Variants in CDH13 observed in about 807,000 individuals in gnomAD.
CDH13 encodes cadherin-13.
CDH13 carries 24 observed loss-of-function variants against 63.8 expected under a neutral mutation model. That is an observed-to-expected ratio of 0.38 (90% CI 0.27 to 0.53). The LOEUF is 0.53. Ranked by LOEUF, CDH13 falls within the 20% of genes least tolerant of loss-of-function variation. The probability of loss-of-function intolerance (pLI) is 0.85; values close to 1 mark genes in which losing one functional copy is unlikely to be tolerated. For synonymous variants in CDH13, 503 were observed against 355.3 expected (o/e 1.42, Z -4.67); for missense variants, 1,049 against 903.1 (o/e 1.16, Z -2.07).
At chr16:82,932,853 A>T (rs7200238) in intron 2 of CDH13, among the ~76,000 whole-genome samples, 4,859 of 152,308 alleles carry the variant, frequency 0.032, 256 homozygotes, top group African/African-American at 0.11. Context: ...TCCGTACTTG[A>T]TTCTAAACAA....
At chr16:83,619,439 A>T (rs1008195553) in intron 8 of CDH13, among the ~76,000 whole-genome samples, 2 of 152,248 alleles carry the variant, frequency 1.3e-5, no homozygotes, top group African/African-American at 4.8e-5. Context: ...ATAACAAGGT[A>T]TTACCAGCCA....
At chr16:82,855,466 T>C (rs999228023) in intron 1 of CDH13, among the ~76,000 whole-genome samples, 2 of 152,230 alleles carry the variant, frequency 1.3e-5, no homozygotes, top group Non-Finnish European at 2.9e-5. Context: ...CGCATAATTG[T>C]AGGCACTGGG....
intron 9 of CDH13, among the ~76,000 whole-genome samples, chr16:83,672,923 G>A (rs952408167): frequency 1.3e-5 from 2 of 152,196 alleles, no homozygotes; most frequent in Non-Finnish European, 2.9e-5. Flanking sequence ...GTCATTCTAT[G>A]ACTTTTACAG....
intron 2 of CDH13, among the ~76,000 whole-genome samples, chr16:83,030,418 G>A (rs1285912403): frequency 1.3e-5 from 2 of 152,050 alleles, no homozygotes; most frequent in East Asian, 3.9e-4. Context: ...CAGTTCTTTG[G>A]GAGGCCTGAG....
intron 1 of CDH13, among the ~76,000 whole-genome samples, chr16:82,714,794 C>T (rs556331433): frequency 1.9e-4 from 28 of 143,602 alleles, no homozygotes; most frequent in Non-Finnish European, 3.0e-4. Flanking sequence ...ACTGGGGTGA[C>T]GCAGCTACAA....
At chr16:82,816,372 GC>G (rs1373064300) in intron 1 of CDH13, among the ~76,000 whole-genome samples, 1 of 152,150 alleles carries the variant, frequency 6.6e-6, no homozygotes, top group African/African-American at 2.4e-5. Flanking sequence ...CTCTGAAGGA[GC>G]TTATATTCCG....
At chr16:83,324,710 G>T (rs995371173) in intron 5 of CDH13, among the ~76,000 whole-genome samples, 1 of 152,196 alleles carries the variant, frequency 6.6e-6, no homozygotes, top group Non-Finnish European at 1.5e-5. Flanking sequence ...TTTAAAATGC[G>T]TAAGTGTTTT....
At chr16:82,892,218 T>G (rs574291832) in intron 2 of CDH13, among the ~76,000 whole-genome samples, 4 of 152,318 alleles carry the variant, frequency 2.6e-5, no homozygotes, top group Admixed American at 2.6e-4. Flanking sequence ...ATTAAATGAG[T>G]TAACACACAT....
At chr16:83,087,190 G>C (rs6565117) in intron 3 of CDH13, among the ~76,000 whole-genome samples, 1 of 151,918 alleles carries the variant, frequency 6.6e-6, no homozygotes, top group Non-Finnish European at 1.5e-5. Flanking sequence ...TTTTAATTCA[G>C]TTGTTTATGC....
chr16:83,617,379 A>G (rs1342099102), intron 8 of CDH13, among the ~76,000 whole-genome samples: 3 of 152,076 alleles, frequency 2.0e-5, no homozygotes, highest in Admixed American at 2.0e-4. Flanking sequence ...TTCTATTCTA[A>G]TATGCACATA....
intron 4 of CDH13, among the ~76,000 whole-genome samples, chr16:83,150,979 C>T (rs1390141796): frequency 3.9e-5 from 6 of 152,138 alleles, no homozygotes; most frequent in African/African-American, 1.4e-4. Context: ...ATTCCCAGTG[C>T]ATTGTGATCA....
intron 3 of CDH13, among the ~76,000 whole-genome samples, chr16:83,102,955 T>TTTTTTTTTTTTTTC (rs2034568062): frequency 8.5e-6 from 1 of 117,120 alleles, no homozygotes; most frequent in Non-Finnish European, 1.8e-5. Context: ...TTTCTTTTTT[T>TTTTTTTTTTTTTTC]TTTTTTTTTT....
At chr16:83,559,816 A>G (rs2075670147) in intron 7 of CDH13, among the ~76,000 whole-genome samples, 1 of 152,160 alleles carries the variant, frequency 6.6e-6, no homozygotes. Context: ...AAGGCACCAC[A>G]GCGTCTTTTT....
intron 1 of CDH13, among the ~76,000 whole-genome samples, chr16:82,717,608 C>T (rs2032470597): frequency 6.6e-6 from 1 of 152,122 alleles, no homozygotes; most frequent in South Asian, 2.1e-4. Flanking sequence ...ATAGCCACAT[C>T]AGTCTAGTCC....
At position 82,993,420 on chromosome 16, in the gene CDH13, C is replaced by G. The variant is rs545245146; in HGVS notation, c.158-38590C>G. 4.6e-5 allele frequency among the ~76,000 whole-genome samples: 7 copies of G among 152,142 alleles called. No homozygotes were observed. The South Asian group carries it at 1.5e-3, about 32-fold the overall frequency. On this transcript the variant is annotated intron_variant, in intron 2 of 13. Transcript: ENST00000567109. ...GGCTTTTGACTCAGTTGAAAAAAAA[C>G]AAAGAATGGTCCAGGGTGAGAGAGG...
At chr16:83,787,509 G>T (rs996660487) in intron 13 of CDH13, among the ~76,000 whole-genome samples, 1 of 152,154 alleles carries the variant, frequency 6.6e-6, no homozygotes, top group South Asian at 2.1e-4. Context: ...CTTATCAGCA[G>T]ACACATTCGA....
intron 4 of CDH13, among the ~76,000 whole-genome samples, chr16:83,152,992 A>G (rs2037053710): frequency 6.6e-6 from 1 of 152,124 alleles, no homozygotes; most frequent in Non-Finnish European, 1.5e-5. Context: ...GACAGTAACC[A>G]CCAAAAGCCG....
intron 7 of CDH13, among the ~76,000 whole-genome samples, chr16:83,531,214 C>G (rs969247662): frequency 1.3e-5 from 2 of 152,208 alleles, no homozygotes; most frequent in Non-Finnish European, 2.9e-5. Context: ...TTGACTTTGT[C>G]TGTTTACATG....
chr16:83,722,615 A>G (rs566918951), intron 10 of CDH13, among the ~76,000 whole-genome samples: 12 of 152,298 alleles, frequency 7.9e-5, no homozygotes, highest in African/African-American at 2.6e-4. Flanking sequence ...AGGTAAGTGA[A>G]ATCAAATGAG....
Sources: allele counts gnomAD v4.1 joint callset (sites outside exome capture counted in the v4.1 genomes callset), GRCh38; gene constraint gnomAD v4.1.1; transcripts MANE v1.5; gene names NCBI Gene and HGNC (gene_info 2026-07-23, HGNC 2026-07-21).